The following GALNT17 variants were observed in gnomAD, a reference collection of about 807,000 sequenced individuals.
The protein encoded by GALNT17 is polypeptide N-acetylgalactosaminyltransferase 17, also known as UDP-GalNAc:polypeptide N-acetylgalactosaminyltransferase-like 3.
A neutral mutation model predicts 63.7 loss-of-function variants in GALNT17; 29 were observed. The ratio of observed to expected loss-of-function variants is 0.46; its 90% CI spans 0.34 to 0.62. The LOEUF (loss-of-function observed/expected upper bound fraction) is 0.62, where lower values mean the gene tolerates loss of function less well. Ranked by LOEUF, GALNT17 falls within the 20% of genes least tolerant of loss-of-function variation. The pLI is 0.01. For synonymous variants in GALNT17, 305 were observed against 318.3 expected (o/e 0.96, Z 0.45); for missense variants, 603 against 799.6 (o/e 0.75, Z 2.97).
At chr7:71,171,005 T>C (rs1788537787) in intron 1 of GALNT17, among the ~76,000 whole-genome samples, 1 of 152,066 alleles carries the variant, frequency 6.6e-6, no homozygotes, top group African/African-American at 2.4e-5. Context: ...CTCTGGGAAT[T>C]TTTTTTTCCC....
At chr7:71,415,129 G>A (rs1200963845) in intron 3 of GALNT17, among the ~76,000 whole-genome samples, 1 of 151,966 alleles carries the variant, frequency 6.6e-6, no homozygotes, top group African/African-American at 2.4e-5. Flanking sequence ...TTGGCCTCCC[G>A]AGTAGCCGGA....
intron 1 of GALNT17, among the ~76,000 whole-genome samples, chr7:71,222,209 T>G (rs555726408): frequency 6.6e-6 from 1 of 152,016 alleles, no homozygotes; most frequent in East Asian, 1.9e-4. Context: ...TGCTGGCCCT[T>G]ATTTAGATTT....
At chr7:71,596,333 T>C (rs187296948) in intron 6 of GALNT17, among the ~76,000 whole-genome samples, 1 of 152,200 alleles carries the variant, frequency 6.6e-6, no homozygotes, top group Non-Finnish European at 1.5e-5. Flanking sequence ...CCACTGCACC[T>C]GGCCTGCTGC....
At chr7:71,692,065 C>T (rs577830327) in intron 9 of GALNT17, among the ~76,000 whole-genome samples, 4 of 152,190 alleles carry the variant, frequency 2.6e-5, no homozygotes, top group African/African-American at 9.6e-5. Flanking sequence ...CACACACCAC[C>T]ATGCTTGGCT....
intron 6 of GALNT17, among the ~76,000 whole-genome samples, chr7:71,592,066 T>C (rs1348378456): frequency 6.6e-6 from 1 of 152,310 alleles, no homozygotes. Flanking sequence ...CCAATGCTTT[T>C]TGTGCCTGGA....
chr7:71,298,138 AGC>A (rs1791117027), intron 1 of GALNT17, among the ~76,000 whole-genome samples: 1 of 152,190 alleles, frequency 6.6e-6, no homozygotes, highest in Non-Finnish European at 1.5e-5. Context: ...CTCCTGCCTC[AGC>A]CTCCTGAGTA....
At chr7:71,560,094 T>C (rs1562691035) in intron 5 of GALNT17, among the ~76,000 whole-genome samples, 1 of 144,720 alleles carries the variant, frequency 6.9e-6, no homozygotes, top group Non-Finnish European at 1.5e-5. Context: ...CTCGGGAGGC[T>C]GAGGCAGGAG....
intron 1 of GALNT17, among the ~76,000 whole-genome samples, chr7:71,253,106 G>C (rs992591740): frequency 6.6e-6 from 1 of 152,162 alleles, no homozygotes; most frequent in African/African-American, 2.4e-5. Flanking sequence ...AGTGACCACT[G>C]ATCAAAGCCT....
At chr7:71,298,184 C>A (rs1190861237) in intron 1 of GALNT17, among the ~76,000 whole-genome samples, 1 of 152,052 alleles carries the variant, frequency 6.6e-6, no homozygotes, top group African/African-American at 2.4e-5. Flanking sequence ...CCATGCCTGG[C>A]CAATTTTTGT....
chr7:71,670,214 G>T, intron 8 of GALNT17, 105 bp downstream of exon 8: 2 of 1,487,988 alleles, frequency 1.3e-6, no homozygotes, highest in Non-Finnish European at 1.9e-6. Context: ...TCAATGAGTG[G>T]TTTTTGGAGG....
At chr7:71,455,762 A>G (rs1042579940) in intron 5 of GALNT17, among the ~76,000 whole-genome samples, 3 of 152,172 alleles carry the variant, frequency 2.0e-5, no homozygotes, top group African/African-American at 7.2e-5. Flanking sequence ...AGTGGCTAGG[A>G]GATGACTTCT....
intron 1 of GALNT17, among the ~76,000 whole-genome samples, chr7:71,184,668 G>A (rs893170213): frequency 3.3e-5 from 5 of 152,234 alleles, no homozygotes; most frequent in African/African-American, 4.8e-5. Flanking sequence ...GGAATGGGCC[G>A]TGCACTTTTT....
At chr7:71,289,862 A>G (rs1562973776) in intron 1 of GALNT17, among the ~76,000 whole-genome samples, 1 of 150,460 alleles carries the variant, frequency 6.6e-6, no homozygotes, top group Non-Finnish European at 1.5e-5. Flanking sequence ...CTGGGCAACA[A>G]GAGCAAAACC....
chr7:71,475,642 C>G (rs948461541), intron 5 of GALNT17, among the ~76,000 whole-genome samples: 11 of 152,150 alleles, frequency 7.2e-5, no homozygotes, highest in Non-Finnish European at 1.3e-4. Context: ...GGCTGCAGAC[C>G]AGTACCTGTC....
chr7:71,707,508 TAA>T (rs1791737818), intron 9 of GALNT17, among the ~76,000 whole-genome samples: 13 of 152,334 alleles, frequency 8.5e-5, no homozygotes, highest in Admixed American at 8.5e-4. Flanking sequence ...AATTGCTGCA[TAA>T]CAACTACCCC....
At chr7:71,611,249 A>T (rs1039277171) in intron 6 of GALNT17, among the ~76,000 whole-genome samples, 1 of 151,964 alleles carries the variant, frequency 6.6e-6, no homozygotes, top group Admixed American at 6.6e-5. Flanking sequence ...CATGAGAAAC[A>T]TTGGTTATAT....
chr7:71,679,560 G>C (rs1240426135), intron 9 of GALNT17, among the ~76,000 whole-genome samples: 1 of 151,188 alleles, frequency 6.6e-6, no homozygotes, highest in Non-Finnish European at 1.5e-5. Flanking sequence ...GACTAGAAAA[G>C]AGGCAAGAAA....
chr7:71,556,399 T>A (rs1206471468), intron 5 of GALNT17, among the ~76,000 whole-genome samples: 1 of 152,190 alleles, frequency 6.6e-6, no homozygotes, highest in South Asian at 2.1e-4. Flanking sequence ...TATCTTTCTC[T>A]TATTAAAAAT....
At chr7:71,526,535 T>C (rs955928537) in intron 5 of GALNT17, among the ~76,000 whole-genome samples, 7 of 152,168 alleles carry the variant, frequency 4.6e-5, no homozygotes, top group Non-Finnish European at 1.0e-4. Flanking sequence ...TTTATTTATT[T>C]TGGAGACAGA....
Sources: gnomAD v4.1 joint callset for allele counts (sites outside exome capture counted in the v4.1 genomes callset) on GRCh38, gnomAD v4.1.1 for gene constraint, MANE v1.5 for transcripts, NCBI Gene and HGNC (gene_info 2026-07-23, HGNC 2026-07-21) for gene names.